Variants in FAR2 observed in about 807,000 individuals in gnomAD.
The protein encoded by FAR2 is fatty acyl-CoA reductase 2.
FAR2 carries 19 observed loss-of-function variants against 56.0 expected under a neutral mutation model. The ratio of observed to expected loss-of-function variants is 0.34; its 90% confidence interval spans 0.24 to 0.50. The LOEUF (loss-of-function observed/expected upper bound fraction) is 0.50, where lower values mean the gene tolerates loss of function less well. FAR2 is among the 20% of genes least tolerant of loss of function. The probability of loss-of-function intolerance (pLI) is 0.98; values close to 1 mark genes in which losing one functional copy is unlikely to be tolerated. For missense variants in FAR2, 508 were observed against 642.2 expected (o/e 0.79, Z 2.26); for synonymous variants, 219 against 218.8 (o/e 1.00, Z -0.01).
At chr12:29,264,307 A>G (rs1461565652) in intron 1 of FAR2, among the ~76,000 whole-genome samples, 2 of 152,216 alleles carry the variant, frequency 1.3e-5, no homozygotes, top group Admixed American at 6.5e-5. Context: ...AAAACTGGGT[A>G]TAGAAGGAAC....
chr12:29,265,268 T>C (rs930009491), intron 1 of FAR2, among the ~76,000 whole-genome samples: 25 of 152,198 alleles, frequency 1.6e-4, no homozygotes, highest in African/African-American at 4.8e-4. Flanking sequence ...ATTGCCTGAC[T>C]TCAAATTATA....
At chr12:29,203,816 A>G (rs1051043902) in intron 1 of FAR2, among the ~76,000 whole-genome samples, 2 of 151,774 alleles carry the variant, frequency 1.3e-5, no homozygotes, top group Non-Finnish European at 2.9e-5. Context: ...TGGCTAACAC[A>G]GTGAAACCCC....
At chr12:29,287,024 G>T (rs1043567550) in intron 2 of FAR2, among the ~76,000 whole-genome samples, 8 of 152,086 alleles carry the variant, frequency 5.3e-5, no homozygotes, top group Admixed American at 2.0e-4. Flanking sequence ...GCAAATCAAT[G>T]GCAGAATCAG....
chr12:29,324,610 A>G (rs984647259), intron 10 of FAR2, among the ~76,000 whole-genome samples: 4 of 152,218 alleles, frequency 2.6e-5, no homozygotes, highest in Non-Finnish European at 4.4e-5. Context: ...TTCTTAAAGA[A>G]AAGAATTTTC....
chr12:29,247,837 C>T (rs560272521), intron 1 of FAR2, among the ~76,000 whole-genome samples: 43 of 152,286 alleles, frequency 2.8e-4, no homozygotes, highest in South Asian at 1.2e-3. Flanking sequence ...CATAGTAGTA[C>T]AATAAGTTTA....
At chr12:29,155,744 C>T (rs1949720656) in intron 1 of FAR2, among the ~76,000 whole-genome samples, 2 of 152,194 alleles carry the variant, frequency 1.3e-5, no homozygotes, top group African/African-American at 4.8e-5. Context: ...GCTATGACTG[C>T]TTTAGTGCCC....
At chr12:29,163,074 A>G (rs1420684016) in intron 1 of FAR2, among the ~76,000 whole-genome samples, 1 of 152,170 alleles carries the variant, frequency 6.6e-6, no homozygotes, top group Non-Finnish European at 1.5e-5. Context: ...AGGACATTCA[A>G]CTCAGCCCAG....
chr12:29,205,411 T>C (rs1159595816), intron 1 of FAR2, among the ~76,000 whole-genome samples: 1 of 152,238 alleles, frequency 6.6e-6, no homozygotes, highest in African/African-American at 2.4e-5. Context: ...CTACGTGTTC[T>C]GCTGATCTGA....
intron 1 of FAR2, among the ~76,000 whole-genome samples, chr12:29,268,776 A>G (rs1268401600): frequency 6.6e-6 from 1 of 152,184 alleles, no homozygotes; most frequent in Non-Finnish European, 1.5e-5. Flanking sequence ...AAAGGGACAG[A>G]GTACAAAAGA....
intron 1 of FAR2, among the ~76,000 whole-genome samples, chr12:29,263,480 A>C (rs1346366540): frequency 2.0e-5 from 3 of 152,042 alleles, no homozygotes; most frequent in Non-Finnish European, 4.4e-5. Flanking sequence ...TAAAAGTAGA[A>C]GTCAACAACA....
At chr12:29,181,790 A>G (rs1239794426) in intron 1 of FAR2, among the ~76,000 whole-genome samples, 1 of 152,234 alleles carries the variant, frequency 6.6e-6, no homozygotes, top group Non-Finnish European at 1.5e-5. Flanking sequence ...CCAATACTTG[A>G]TTCTACCTAT....
intron 1 of FAR2, chr12:29,171,571 C>G (rs1033165309): frequency 1.3e-5 from 2 of 149,682 alleles, no homozygotes; most frequent in African/African-American, 5.0e-5. Context: ...GCCCAGCTGC[C>G]GCCCCATCTG....
At chr12:29,311,771 C>T (rs1949357188) in intron 7 of FAR2, 112 bp from the exon 8 acceptor site, 2 of 725,608 alleles carry the variant, frequency 2.8e-6, no homozygotes, top group Non-Finnish European at 4.5e-6. Context: ...CATAGGTTGC[C>T]TTAATCAGAT....
intron 2 of FAR2, among the ~76,000 whole-genome samples, chr12:29,276,384 C>A (rs1948704520): frequency 6.6e-6 from 1 of 152,082 alleles, no homozygotes; most frequent in Non-Finnish European, 1.5e-5. Context: ...AAAAACACAT[C>A]TACGGTAGAT....
chr12:29,153,335 G>A (rs1949696330), intron 1 of FAR2, among the ~76,000 whole-genome samples: 1 of 151,608 alleles, frequency 6.6e-6, no homozygotes, highest in South Asian at 2.1e-4. Flanking sequence ...GGGTTAACTT[G>A]ACTAAAAAAA....
At chr12:29,281,742 TAAAA>T (rs71042976) in intron 2 of FAR2, among the ~76,000 whole-genome samples, 1 of 143,388 alleles carries the variant, frequency 7.0e-6, no homozygotes, top group African/African-American at 2.5e-5. Flanking sequence ...CAACATCACC[TAAAA>T]AAAAAAAAAA....
Position 29,260,810 on chromosome 12 carries a change from A to G in FAR2, c.-38-9602A>G, listed in dbSNP as rs370082698. Among the ~76,000 whole-genome samples, 47 of 152,354 alleles carry G rather than the reference A, an allele frequency of 3.1e-4. 2 individuals are homozygous for G. In the East Asian group the frequency reaches 3.7e-3, roughly 12 times the overall value. On this transcript the variant is annotated intron_variant, in intron 1 of 11. Coordinates refer to ENST00000536681, the MANE Select transcript of FAR2 (RefSeq NM_001271783.2). Reference sequence around the variant, plus strand: ...AGGCTCAGTTTGTTTGGGGCAAAGTAAGGGAAGAAAACAAGAGTCTCTGCC... The same window carrying G: ...AGGCTCAGTTTGTTTGGGGCAAAGTGAGGGAAGAAAACAAGAGTCTCTGCC...
intron 1 of FAR2, among the ~76,000 whole-genome samples, chr12:29,196,645 T>C (rs1274707689): frequency 6.6e-6 from 1 of 152,062 alleles, no homozygotes; most frequent in Non-Finnish European, 1.5e-5. Context: ...ATGTAAGACA[T>C]GAAACTACAA....
intron 1 of FAR2, among the ~76,000 whole-genome samples, chr12:29,213,915 T>C (rs1212616562): frequency 6.6e-6 from 1 of 152,188 alleles, no homozygotes; most frequent in Non-Finnish European, 1.5e-5. Context: ...GGAAGGAGTC[T>C]GATTAGAACC....
Sources: allele counts gnomAD v4.1 joint callset (sites outside exome capture counted in the v4.1 genomes callset), GRCh38; gene constraint gnomAD v4.1.1; transcripts MANE v1.5; gene names NCBI Gene and HGNC (gene_info 2026-07-23, HGNC 2026-07-21).